JPH2: variants seen among roughly 807,000 people sequenced by gnomAD.
JPH2 encodes the protein junctophilin 2, also known as junctophilin-2.
A neutral mutation model predicts 55.9 loss-of-function variants in JPH2; 38 were observed. The observed-to-expected ratio is 0.68, with a 90% CI of 0.52 to 0.89. The LOEUF is 0.89. JPH2 is among the 40% of genes least tolerant of loss of function. The pLI, the probability that JPH2 is intolerant of heterozygous loss-of-function variation, is 0.00. For synonymous variants in JPH2, 480 were observed against 472.4 expected, an observed-to-expected ratio of 1.02 and a Z score of -0.21; for missense variants, 964 against 1,037.6, an observed-to-expected ratio of 0.93 and a Z score of 0.97.
At position 44,116,393 on chromosome 20, in the gene JPH2, G is replaced by A. The variant is rs116986535; in HGVS notation, c.1289-7C>T. ...CGCTTCTGATATTCCGGACCTGCCA[G>A]GGCAACACAGGGAGGCTGGGCTCGA... On this transcript the variant is annotated splice_region_variant and splice_polypyrimidine_tract_variant and intron_variant, in intron 3 of 5. Transcript: ENST00000372980. The A allele has an allele frequency of 0.026, 40,014 of 1,546,950 alleles. 631 individuals carry two copies. Among genetic ancestry groups the A allele is most frequent in the Non-Finnish European group, 0.03 (34,873 of 1,146,526 alleles).
intron 4 of JPH2, 136 bp from the exon 5 acceptor site, chr20:44,115,012 T>A: frequency 1.4e-6 from 1 of 722,914 alleles, no homozygotes; most frequent in Non-Finnish European, 2.5e-6. Context: ...TGTTCACTGC[T>A]GTATCCTGTC....
chr20:44,134,931 ATATAT>A (rs2072398716), intron 2 of JPH2, among the ~76,000 whole-genome samples: 1 of 125,974 alleles, frequency 7.9e-6, no homozygotes, highest in African/African-American at 3.0e-5. Context: ...ATATTTATAT[ATATAT>A]ATAAAACCAC....
intron 2 of JPH2, among the ~76,000 whole-genome samples, chr20:44,144,852 C>T (rs921045517): frequency 6.6e-6 from 1 of 152,142 alleles, no homozygotes; most frequent in African/African-American, 2.4e-5. Flanking sequence ...GAGAAGGGGG[C>T]ACTCAGAGAT....
At chr20:44,115,588 C>T (rs1225447925) in intron 4 of JPH2, 77 bp downstream of exon 4, 1 of 1,596,202 alleles carries the variant, frequency 6.3e-7, no homozygotes. Flanking sequence ...CCCAAATCCC[C>T]TGCCCCTGAA....
chr20:44,134,223 AAT>A (rs1305029111), intron 2 of JPH2, among the ~76,000 whole-genome samples: 418 of 16,494 alleles, frequency 0.025, 128 homozygotes, highest in African/African-American at 0.039. Flanking sequence ...ATTTATTATA[AAT>A]ATATATAAAT....
Position 44,118,692 on chromosome 20 carries a change from A to G in JPH2, c.1170-69T>C, listed in dbSNP as rs553131298. ...ACCAGCCTTCTGCCCCTTCTCCCCA[A>G]CCCACAAAGAGACATGCTAAACACA... On this transcript the variant is annotated intron_variant, in intron 2 of 5. Coordinates refer to ENST00000372980, the MANE Select transcript of JPH2 (RefSeq NM_020433.5). 91 of 1,226,136 alleles carry G rather than the reference A, an allele frequency of 7.4e-5. No individual in the cohort carries two copies. The East Asian group carries it at 2.0e-3, about 28-fold the overall frequency. The allele number at this position is 1,226,136 out of a possible 1,614,324, so 76.0% of individuals were successfully genotyped here.
At chr20:44,129,593 C>T (rs1449642117) in intron 2 of JPH2, among the ~76,000 whole-genome samples, 1 of 151,258 alleles carries the variant, frequency 6.6e-6, no homozygotes, top group Non-Finnish European at 1.5e-5. Context: ...ACCATTGCTG[C>T]TTCCTGAGAG....
intron 1 of JPH2, among the ~76,000 whole-genome samples, chr20:44,167,602 G>A (rs899935546): frequency 2.0e-4 from 31 of 152,210 alleles, no homozygotes; most frequent in Non-Finnish European, 2.5e-4. Context: ...CTGTCCCCCC[G>A]ATAGGACTCC....
In JPH2 at chr20:44,136,380, C is replaced by T. The variant is rs1218714048; in HGVS notation, c.1170-17757G>A. 3.9e-5 allele frequency among the ~76,000 whole-genome samples: 6 copies of T among 152,264 alleles called. No homozygotes were observed. The Middle Eastern group carries it at 0.01, about 259-fold the overall frequency. ...TGCTGGAAAATGGCCTCACCCTTTG[C>T]CTATTCTGCTCCCTGGGTGCAACCC... On this transcript the variant is annotated intron_variant, in intron 2 of 5. Transcript: ENST00000372980.
Position 44,159,967 on chromosome 20 carries a change from C to T in JPH2, c.820G>A (p.Asp274Asn), listed in dbSNP as rs376694047. 296 of 1,593,706 alleles carry T rather than the reference C, an allele frequency of 1.9e-4. 6 individuals are homozygous for T. The South Asian group carries it at 2.8e-3, about 15-fold the overall frequency. Residue 274 changes from aspartate to asparagine, a missense_variant, in exon 2 of 6, where the codon GAC becomes AAC. Asp to Asn is a conservative substitution (Grantham distance 23, BLOSUM62 1). Transcript: ENST00000372980. The surrounding 1 kb of genome is among the most constrained non-coding windows in gnomAD (Gnocchi z 5.7). Reference sequence around the variant, plus strand: ...TCGGCCTCGAAGGGTGCGGCCTCGTCGGCGCCCTCGGCGGCCTCTCCCAGG... The same window carrying T: ...TCGGCCTCGAAGGGTGCGGCCTCGTTGGCGCCCTCGGCGGCCTCTCCCAGG... ...ASLGEAAEGADEAAPFEADID... is the reference protein window; with the variant it reads ...ASLGEAAEGANEAAPFEADID...
chr20:44,117,159 A>G (rs914074315), intron 3 of JPH2, among the ~76,000 whole-genome samples: 12 of 152,190 alleles, frequency 7.9e-5, no homozygotes, highest in African/African-American at 1.4e-4. Flanking sequence ...CGTGCCTGTA[A>G]TCCCAGCTAC....
chr20:44,179,310 A>G (rs2072761253), intron 1 of JPH2, among the ~76,000 whole-genome samples: 1 of 152,210 alleles, frequency 6.6e-6, no homozygotes, highest in Non-Finnish European at 1.5e-5. Context: ...GTGTATAGGT[A>G]TAGAATTACA....
At chr20:44,154,819 G>T (rs889090698) in intron 2 of JPH2, among the ~76,000 whole-genome samples, 1 of 152,224 alleles carries the variant, frequency 6.6e-6, no homozygotes, top group African/African-American at 2.4e-5. Flanking sequence ...TGGAAATTCA[G>T]TCTGAGCTTG....
chr20:44,147,965 T>A (rs141856128), intron 2 of JPH2, among the ~76,000 whole-genome samples: 2 of 152,130 alleles, frequency 1.3e-5, no homozygotes, highest in Non-Finnish European at 2.9e-5. Flanking sequence ...GAATTCAAGA[T>A]CAGCCTGGCC....
chr20:44,115,229 T>C (rs2072178945), intron 4 of JPH2, among the ~76,000 whole-genome samples: 1 of 152,150 alleles, frequency 6.6e-6, no homozygotes, highest in Non-Finnish European at 1.5e-5. Flanking sequence ...CCTAGCTCCC[T>C]GCCTCCCATA....
Position 44,108,750 on chromosome 20 carries a change from C to T in JPH2, c.*4768G>A, listed in dbSNP as rs960583476. Among the ~76,000 whole-genome samples, 1 of 152,074 alleles carries T rather than the reference C, an allele frequency of 6.6e-6. No homozygotes were observed. The highest frequency in any genetic ancestry group is 1.5e-5 in the Non-Finnish European group (1 of 68,018). On this transcript the variant is annotated 3_prime_UTR_variant, in exon 6 of 6. Transcript: ENST00000372980. Reference sequence around the variant, plus strand: ...CATGAGGTGCCCTGGCATCTGTTGCCGTACATGAGGGTCTCACCTGCAGTT... The same window carrying T: ...CATGAGGTGCCCTGGCATCTGTTGCTGTACATGAGGGTCTCACCTGCAGTT...
intron 1 of JPH2, among the ~76,000 whole-genome samples, chr20:44,171,172 ATT>A (rs1251662883): frequency 6.6e-6 from 1 of 152,110 alleles, no homozygotes; most frequent in Admixed American, 6.6e-5. Flanking sequence ...TGTGTGGGAG[ATT>A]TAGCGGGGAG....
rs148093975 is a variant in JPH2, at chr20:44,115,698, T to C, written c.1977A>G (p.Ala659=). The change falls in exon 4 of 6, where the codon GCA becomes GCG. Residue 659 remains alanine, a synonymous_variant. Coordinates refer to ENST00000372980, the MANE Select transcript of JPH2 (RefSeq NM_020433.5). ...GAKKKARKEA[A]LAAEAEVEVE... is the part of the protein sequence containing the mutation. ...CCTCCACCTCCGCCTCTGCCGCCAG[T>C]GCGGCCTCCTTCCGCGCCTTCTTCT... 22 of 1,613,268 alleles carry C rather than the reference T, an allele frequency of 1.4e-5. No individual in the cohort carries two copies. The African/African-American group carries it at 2.9e-4, about 22-fold the overall frequency.
intron 1 of JPH2, among the ~76,000 whole-genome samples, chr20:44,162,838 G>T: frequency 8.6e-6 from 1 of 116,788 alleles, no homozygotes; most frequent in Non-Finnish European, 1.7e-5. Flanking sequence ...TATTAGATCT[G>T]TCCCTCTAGA....
Sources: allele counts gnomAD v4.1 joint callset (sites outside exome capture counted in the v4.1 genomes callset), GRCh38; gene constraint gnomAD v4.1.1; non-coding constraint Gnocchi (gnomAD v3.1); transcripts MANE v1.5; gene names NCBI Gene and HGNC (gene_info 2026-07-23, HGNC 2026-07-21).